STAB2: variants seen among roughly 807,000 people sequenced by gnomAD.
The protein encoded by STAB2 is stabilin-2.
STAB2 carries 288 observed loss-of-function variants against 338.1 expected under a neutral mutation model. That is an observed-to-expected ratio of 0.85 (90% CI 0.77 to 0.94). STAB2 has a LOEUF of 0.94. STAB2 is among the 40% of genes least tolerant of loss of function. The pLI, the probability that STAB2 is intolerant of heterozygous loss-of-function variation, is 0.00. For missense variants in STAB2, 3,141 were observed against 3,210.1 expected, an observed-to-expected ratio of 0.98 and a Z score of 0.52; for synonymous variants, 1,202 against 1,193.3, an observed-to-expected ratio of 1.01 and a Z score of -0.15.
rs567858698 is a variant in STAB2, at chr12:103,761,457, C to T, written c.7359+47C>T. 6.5e-6 allele frequency: 10 copies of T among 1,533,274 alleles called. No homozygotes were observed. In the East Asian group the frequency reaches 2.0e-4, roughly 31 times the overall value. The allele number at this position is 1,533,274 out of a possible 1,614,324, so 95.0% of individuals were successfully genotyped here. A position where few individuals can be genotyped will look rare whatever the true frequency, so the allele number is the denominator to read the frequency against. On this transcript the variant is annotated intron_variant, in intron 66 of 68. Transcript: ENST00000388887. ...TAACGGGCCAGGAGGAGCCCCGGTG[C>T]CCACTCACCAACAGGCAAACCATTA...
At chr12:103,704,309 G>T (rs1879152553) in intron 35 of STAB2, among the ~76,000 whole-genome samples, 1 of 152,188 alleles carries the variant, frequency 6.6e-6, no homozygotes, top group Non-Finnish European at 1.5e-5. Context: ...TATTGTTAAA[G>T]AATTTGGACT....
chr12:103,676,061 T>C, intron 24 of STAB2, 40 bp downstream of exon 24: 1 of 986,844 alleles, frequency 1.0e-6, no homozygotes. Flanking sequence ...CTGGTTTCTT[T>C]TTTTTTTTTT....
In STAB2 at chr12:103,660,339, G is replaced by A. The variant is rs777314147; in HGVS notation, c.1743G>A (p.Arg581=). Residue 581 remains arginine, a synonymous_variant, in exon 16 of 69, where the codon CGG becomes CGA. Coordinates refer to ENST00000388887, the MANE Select transcript of STAB2 (RefSeq NM_017564.10). ...ATTTGGTTCCTTTGCAGGGATCTCG[G>A]AAGCTTCTGGAACTCGTCAGATACC... The part of the protein sequence containing the change: ...LDYLLSPEGS[R]KLLELVRYHI... 2 of 1,613,966 alleles carry A rather than the reference G, an allele frequency of 1.2e-6. No homozygotes were observed. Among genetic ancestry groups the A allele is most frequent in the Non-Finnish European group, 1.7e-6 (2 of 1,180,014 alleles).
chr12:103,762,973 T>C (rs969409930), intron 67 of STAB2, among the ~76,000 whole-genome samples: 3 of 152,204 alleles, frequency 2.0e-5, no homozygotes, highest in African/African-American at 7.2e-5. Flanking sequence ...TGTCCTCCTC[T>C]CTGGCCCACC....
rs148474135 is a variant in STAB2, at chr12:103,716,986, C to T, written c.4612-784C>T. Among the ~76,000 whole-genome samples the T allele has an allele frequency of 3.3e-5, 5 of 152,292 alleles. No individual in the cohort carries two copies. In the East Asian group the frequency reaches 5.8e-4, roughly 18 times the overall value. On this transcript the variant is annotated intron_variant, in intron 43 of 68. Transcript: ENST00000388887. ...AGGAAGAGAAACGGGAAAACCTGCC[C>T]GTGTAGCCCTAGCTGGCACCAATGA...
chr12:103,721,619 A>G (rs894111335), intron 44 of STAB2, among the ~76,000 whole-genome samples: 1 of 152,244 alleles, frequency 6.6e-6, no homozygotes, highest in South Asian at 2.1e-4. Context: ...CAAGAAGACC[A>G]TGTAAAAGAC....
In STAB2 at chr12:103,746,582, C is replaced by T. The variant is rs748289933; in HGVS notation, c.6137-15C>T. The T allele has an allele frequency of 1.2e-5, 20 of 1,612,914 alleles. No individual in the cohort carries two copies. The highest frequency in any genetic ancestry group is 1.6e-5 in the Non-Finnish European group (19 of 1,179,060). ...CACCATGGGTACAGAATGAAAGTGG[C>T]CCCTTTCTTTGCAGTTTTGCCTGCA... On this transcript the variant is annotated splice_polypyrimidine_tract_variant and intron_variant, in intron 57 of 68. Transcript: ENST00000388887.
At chr12:103,633,301 C>T (rs755851434) in intron 6 of STAB2, among the ~76,000 whole-genome samples, 4 of 152,120 alleles carry the variant, frequency 2.6e-5, no homozygotes, top group Non-Finnish European at 4.4e-5. Flanking sequence ...GAGACTAGGA[C>T]AAAAATATTT....
chr12:103,753,962 T>C (rs141394844), intron 61 of STAB2, among the ~76,000 whole-genome samples: 231 of 152,296 alleles, frequency 1.5e-3, no homozygotes, highest in African/African-American at 5.1e-3. Context: ...AGCTCTTTGA[T>C]CAGGTGCTGC....
chr12:103,706,972 A>G lies in STAB2; in HGVS notation c.4177A>G (p.Ile1393Val), dbSNP rs918241651. Residue 1393 changes from isoleucine to valine, a missense_variant, in exon 38 of 69, where the codon ATC becomes GTC. Transcript: ENST00000388887. ...CETCTEGKYG[I>V]HCDQACSCVH... ...GACCTGCACCGAGGGCAAGTACGGC[A>G]TCCACTGTGACCAAGGTGAGCACCG... The G allele has an allele frequency of 1.2e-6, 2 of 1,614,104 alleles. No homozygotes were observed. Among genetic ancestry groups the G allele is most frequent in the African/African-American group, 2.7e-5 (2 of 74,944 alleles).
chr12:103,627,998 A>T (rs150049982), intron 5 of STAB2, among the ~76,000 whole-genome samples: 1,610 of 152,286 alleles, frequency 0.011, 14 homozygotes, highest in Non-Finnish European at 0.018. Flanking sequence ...ATATTTTTGA[A>T]TTGAATTGAA....
chr12:103,620,648 C>T (rs1222427569), intron 4 of STAB2, 95 bp downstream of exon 4: 19 of 980,176 alleles, frequency 1.9e-5, no homozygotes, highest in African/African-American at 3.2e-5. Flanking sequence ...CACACACACA[C>T]ACACACGTGC....
At chr12:103,761,870 ATGG>A (rs2139244156) in intron 66 of STAB2, among the ~76,000 whole-genome samples, 1 of 152,264 alleles carries the variant, frequency 6.6e-6, no homozygotes, top group African/African-American at 2.4e-5. Flanking sequence ...AAAGTTGGTG[ATGG>A]TGGTTGTTAG....
chr12:103,757,220 C>A (rs1169753696), intron 63 of STAB2, among the ~76,000 whole-genome samples: 1 of 151,714 alleles, frequency 6.6e-6, no homozygotes, highest in African/African-American at 2.4e-5. Flanking sequence ...TCCAGAGCAG[C>A]TGGGACTACA....
Position 103,683,296 on chromosome 12 carries a change from C to G in STAB2, c.2897C>G (p.Pro966Arg), listed in dbSNP as rs370747456. The part of the protein sequence containing the change: ...SCLEQTGKCH[P>R]LASCQSTSSG... ...TTGGAACAAACCGGGAAATGTCATCCATTGGTGAGTTATTTAACCTTGTTT... is the reference window on the plus strand; with the variant it reads ...TTGGAACAAACCGGGAAATGTCATCGATTGGTGAGTTATTTAACCTTGTTT... Residue 966 changes from proline to arginine, a missense_variant, in exon 26 of 69, where the codon CCA becomes CGA. Physicochemically the swap from Pro to Arg is moderately radical, Grantham distance 103. Transcript: ENST00000388887. 6.3e-7 allele frequency: 1 copy of G among 1,596,654 alleles called. No homozygotes were observed. The highest frequency in any genetic ancestry group is 8.5e-7 in the Non-Finnish European group (1 of 1,170,244).
In STAB2 at chr12:103,670,795, C is replaced by T. The variant is rs1205189332; in HGVS notation, c.2359C>T (p.Arg787Trp). 8.1e-6 allele frequency: 13 copies of T among 1,613,764 alleles called. No individual in the cohort carries two copies. Among genetic ancestry groups the T allele is most frequent in the Non-Finnish European group, 1.0e-5 (12 of 1,179,830 alleles). Residue 787 changes from arginine (R) to tryptophan (W), a missense_variant, in exon 22 of 69, where the codon CGG (arginine) becomes TGG (tryptophan). Coordinates refer to ENST00000388887, the MANE Select transcript of STAB2 (RefSeq NM_017564.10). ...CTCTGATCCCAATAAATACGGACCT[C>T]GGTGTAACAAAAGTAAGTGGCACTT... is the stretch of plus-strand genomic sequence containing the variant. ...FCSDPNKYGP[R>W]CNKKCLCVHG...
At chr12:103,669,720 C>T (rs1875554906) in intron 21 of STAB2, 93 bp downstream of exon 21, 1 of 1,142,566 alleles carries the variant, frequency 8.8e-7, no homozygotes, top group Non-Finnish European at 1.3e-6. Context: ...AGCTACTCTT[C>T]CCAGGAAGCA....
At chr12:103,753,196 C>A (rs9668706) in intron 60 of STAB2, 24 bp from the exon 61 acceptor site, 2 of 1,612,638 alleles carry the variant, frequency 1.2e-6, no homozygotes. Context: ...CTGACCTGGG[C>A]GATTCCTCCT....
At chr12:103,730,041 A>T in intron 48 of STAB2, 75 bp from the exon 49 acceptor site, 1 of 1,426,128 alleles carries the variant, frequency 7.0e-7, no homozygotes, top group Non-Finnish European at 9.3e-7. Flanking sequence ...CACATTGGTA[A>T]AGCATTCTGT....
Sources: allele counts gnomAD v4.1 joint callset (sites outside exome capture counted in the v4.1 genomes callset), GRCh38; gene constraint gnomAD v4.1.1; transcripts MANE v1.5; gene names NCBI Gene and HGNC (gene_info 2026-07-23, HGNC 2026-07-21).